GALR1: variants seen among roughly 807,000 people sequenced by gnomAD.
GALR1 encodes the protein galanin receptor type 1.
GALR1 carries 11 observed loss-of-function variants against 17.9 expected under a neutral mutation model. The ratio of observed to expected loss-of-function variants is 0.62; its 90% CI spans 0.39 to 1.02. The LOEUF (loss-of-function observed/expected upper bound fraction) is 1.02. Among genes scored for constraint, GALR1 ranks in the 50% least tolerant of loss-of-function variants. The pLI is 0.01. For missense variants in GALR1, 441 were observed against 456.9 expected (o/e 0.97, Z 0.32); for synonymous variants, 206 against 205.7 (o/e 1.00, Z -0.01).
At chr18:77,254,715 C>T (rs1217632057) in intron 1 of GALR1, among the ~76,000 whole-genome samples, 1 of 152,200 alleles carries the variant, frequency 6.6e-6, no homozygotes, top group East Asian at 1.9e-4. Context: ...GCAGGAAATC[C>T]CTGTTCTGTC....
chr18:77,264,982 G>A (rs1448946108), intron 2 of GALR1, among the ~76,000 whole-genome samples: 2 of 152,004 alleles, frequency 1.3e-5, no homozygotes, highest in Admixed American at 6.6e-5. Flanking sequence ...ACTGCTCCTG[G>A]CCCCTCCCAA....
chr18:77,270,082 T>C lies in GALR1; in HGVS notation c.*1180T>C, dbSNP rs1346902286. On this transcript the variant is annotated 3_prime_UTR_variant, in exon 3 of 3. Coordinates refer to ENST00000299727, the MANE Select transcript of GALR1 (RefSeq NM_001480.4). Reference sequence around the variant, plus strand: ...ATGTAGTTTTCATGACAATTTTATATTGATGTGTGTTTACAATGAGAAAAT... The same window carrying C: ...ATGTAGTTTTCATGACAATTTTATACTGATGTGTGTTTACAATGAGAAAAT... 1 of 152,234 alleles carries C rather than the reference T, an allele frequency of 6.6e-6. No homozygotes were observed. Among genetic ancestry groups the C allele is most frequent in the Non-Finnish European group, 1.5e-5 (1 of 68,042 alleles). 9.4% of individuals were successfully genotyped at this position (152,234 alleles called of 1,614,324 possible).
rs574155176 is a variant in GALR1, at chr18:77,271,087, G to T, written c.*2185G>T. On this transcript the variant is annotated 3_prime_UTR_variant, in exon 3 of 3. Coordinates refer to ENST00000299727, the MANE Select transcript of GALR1 (RefSeq NM_001480.4). ...TTTCTTTGTTTTCTCCTTCTGATCT[G>T]TAAGCATATAAATGGAAGTATTTAA... The T allele has an allele frequency of 7.9e-5, 12 of 152,242 alleles. No homozygotes were observed. The highest frequency in any genetic ancestry group is 5.9e-4 in the Admixed American group (9 of 15,282). 9.4% of individuals were successfully genotyped at this position (152,242 alleles called of 1,614,324 possible).
In GALR1 at chr18:77,268,997, T is replaced by G. The variant is rs775977228; in HGVS notation, c.*95T>G. ...GCTAGTAAGCGATGCTGCAACTTGT[T>G]ATCTTAACAAGAATTCAAGTCGTTT... On this transcript the variant is annotated 3_prime_UTR_variant, in exon 3 of 3. Transcript: ENST00000299727. 1.7e-5 allele frequency: 16 copies of G among 917,816 alleles called. No homozygotes were observed. Among genetic ancestry groups the G allele is most frequent in the Non-Finnish European group, 2.7e-5 (16 of 592,696 alleles). 56.9% of individuals were successfully genotyped at this position (917,816 alleles called of 1,614,324 possible).
At chr18:77,260,994 T>C (rs1485383512) in intron 2 of GALR1, among the ~76,000 whole-genome samples, 1 of 48,054 alleles carries the variant, frequency 2.1e-5, no homozygotes, top group Admixed American at 3.7e-4. Context: ...TTATACAATT[T>C]GTGAGGTTTT....
intron 2 of GALR1, among the ~76,000 whole-genome samples, chr18:77,262,275 A>G (rs77396511): frequency 2.6e-5 from 4 of 152,208 alleles, no homozygotes; most frequent in African/African-American, 9.6e-5. Context: ...ACCTACTTAA[A>G]TCCCAGGGTT....
At position 77,273,627 on chromosome 18, in the gene GALR1, C is replaced by T. The variant is rs1236365854; in HGVS notation, c.*4725C>T. 1 of 151,134 alleles carries T rather than the reference C, an allele frequency of 6.6e-6. No homozygotes were observed. The highest frequency in any genetic ancestry group is 2.4e-5 in the African/African-American group (1 of 40,980). The allele number at this position is 151,134 out of a possible 1,614,324, so 9.4% of individuals were successfully genotyped here. A position where few individuals can be genotyped will look rare whatever the true frequency, so the allele number is the denominator to read the frequency against. On this transcript the variant is annotated 3_prime_UTR_variant, in exon 3 of 3. Transcript: ENST00000299727. The stretch of plus-strand genomic sequence containing the variant: ...TCCAGCCTGGGCAACAAGAGTGAAA[C>T]TCTGTCTCAAAAAAATAAAAATTAA...
rs1158277202 is a variant in GALR1 at position 77,273,616 on chromosome 18, C to G, written c.*4714C>G. 1 of 149,968 alleles carries G rather than the reference C, an allele frequency of 6.7e-6. No individual in the cohort carries two copies. Among genetic ancestry groups the G allele is most frequent in the Non-Finnish European group, 1.5e-5 (1 of 67,712 alleles). The allele number at this position is 149,968 out of a possible 1,614,324, so 9.3% of individuals were successfully genotyped here. On this transcript the variant is annotated 3_prime_UTR_variant, in exon 3 of 3. Coordinates refer to ENST00000299727, the MANE Select transcript of GALR1 (RefSeq NM_001480.4). ...CACCATTGCACTCCAGCCTGGGCAACAAGAGTGAAACTCTGTCTCAAAAAA... is the reference window on the plus strand; with the variant it reads ...CACCATTGCACTCCAGCCTGGGCAAGAAGAGTGAAACTCTGTCTCAAAAAA...
rs77035445 is a variant in GALR1, at chr18:77,269,297, T to G, written c.*395T>G. The G allele has an allele frequency of 1.3e-5, 2 of 158,208 alleles. No homozygotes were observed. The highest frequency in any genetic ancestry group is 2.8e-5 in the Non-Finnish European group (2 of 72,438). 9.8% of individuals were successfully genotyped at this position (158,208 alleles called of 1,614,324 possible). On this transcript the variant is annotated 3_prime_UTR_variant, in exon 3 of 3. Coordinates refer to ENST00000299727, the MANE Select transcript of GALR1 (RefSeq NM_001480.4). ...GCCAATTTATTTAGAAAAAAAAATTTGAGCTTTAATTCTTTAATTTTAAGA... is the reference window on the plus strand; with the variant it reads ...GCCAATTTATTTAGAAAAAAAAATTGGAGCTTTAATTCTTTAATTTTAAGA...
chr18:77,275,001 T>C lies in GALR1; in HGVS notation c.*6099T>C, dbSNP rs1913127421. The stretch of plus-strand genomic sequence containing the variant: ...GTTCTGTTTGGACTTAGGACTTTTT[T>C]CCTGGCTATCCTGCCAATACTTTTC... On this transcript the variant is annotated 3_prime_UTR_variant, in exon 3 of 3. Transcript: ENST00000299727. 1 of 152,240 alleles carries C rather than the reference T, an allele frequency of 6.6e-6. No homozygotes were observed. The highest frequency in any genetic ancestry group is 2.4e-5 in the African/African-American group (1 of 41,452). The allele number at this position is 152,240 out of a possible 1,614,324, so 9.4% of individuals were successfully genotyped here. A position where few individuals can be genotyped will look rare whatever the true frequency, so the allele number is the denominator to read the frequency against.
At chr18:77,265,251 A>G (rs1018875400) in intron 2 of GALR1, among the ~76,000 whole-genome samples, 1 of 152,212 alleles carries the variant, frequency 6.6e-6, no homozygotes, top group East Asian at 1.9e-4. Context: ...TACAGGCCCC[A>G]TGCAAATCTG....
Position 77,250,848 on chromosome 18 carries a change from C to G in GALR1, c.300C>G (p.Thr100=). Residue 100 remains threonine (T), a synonymous_variant, in exon 1 of 3, where the codon ACC becomes ACG. Coordinates refer to ENST00000299727, the MANE Select transcript of GALR1 (RefSeq NM_001480.4). ...PFQATVYALP[T]WVLGAFICKF... is the part of the protein sequence containing the mutation. ...AGGCCACCGTGTACGCGCTGCCCAC[C>G]TGGGTGCTGGGCGCCTTCATCTGCA... 1 of 1,613,048 alleles carries G rather than the reference C, an allele frequency of 6.2e-7. No homozygotes were observed. Among genetic ancestry groups the G allele is most frequent in the Non-Finnish European group, 8.5e-7 (1 of 1,180,016 alleles).
rs1188547652 is a variant in GALR1, at chr18:77,273,170, C to T, written c.*4268C>T. 1 of 152,088 alleles carries T rather than the reference C, an allele frequency of 6.6e-6. No individual in the cohort carries two copies. Among genetic ancestry groups the T allele is most frequent in the African/African-American group, 2.4e-5 (1 of 41,398 alleles). The allele number at this position is 152,088 out of a possible 1,614,324, so 9.4% of individuals were successfully genotyped here. On this transcript the variant is annotated 3_prime_UTR_variant, in exon 3 of 3. Transcript: ENST00000299727. ...TTTGACTGGGCAAGACCCTCACATA[C>T]CTTGGCAGGCCCTGGCTTTCGTTTC...
At chr18:77,258,681 A>ATGGTGGTGGTGGTGGG (rs1912674383) in intron 2 of GALR1, among the ~76,000 whole-genome samples, 1 of 92,984 alleles carries the variant, frequency 1.1e-5, no homozygotes, top group African/African-American at 4.2e-5. Flanking sequence ...CATGGTGGTG[A>ATGGTGGTGGTGGTGGG]TGGTGATGGT....
At chr18:77,256,333 G>T (rs979428252) in intron 2 of GALR1, 110 bp downstream of exon 2, 1 of 648,646 alleles carries the variant, frequency 1.5e-6, no homozygotes, top group Non-Finnish European at 2.7e-6. Context: ...TAGGACCCTT[G>T]GTGTGGCTAA....
At position 77,276,416 on chromosome 18, in the gene GALR1, G is replaced by A. The variant is rs921459825; in HGVS notation, c.*7514G>A. ...CTGGCTGTACAGTTGAATGAGCTGG[G>A]CAGTTGAAAGTACCCGTGATGCTCT... On this transcript the variant is annotated 3_prime_UTR_variant, in exon 3 of 3. Transcript: ENST00000299727. The A allele has an allele frequency of 3.3e-5, 5 of 152,216 alleles. No individual in the cohort carries two copies. Among genetic ancestry groups the A allele is most frequent in the African/African-American group, 1.2e-4 (5 of 41,456 alleles). 9.4% of individuals were successfully genotyped at this position (152,216 alleles called of 1,614,324 possible).
intron 2 of GALR1, among the ~76,000 whole-genome samples, chr18:77,260,470 C>A (rs79419231): frequency 6.6e-6 from 1 of 152,160 alleles, no homozygotes; most frequent in Non-Finnish European, 1.5e-5. Flanking sequence ...GGGCTCCCCC[C>A]ACCTCATGAC....
rs1047354541 is a variant in GALR1 at position 77,270,070 on chromosome 18, G to A, written c.*1168G>A. 3 of 152,152 alleles carry A rather than the reference G, an allele frequency of 2.0e-5. No homozygotes were observed. In the East Asian group the frequency reaches 5.8e-4, roughly 29 times the overall value. The allele number at this position is 152,152 out of a possible 1,614,324, so 9.4% of individuals were successfully genotyped here. ...TTTGAATTTCAAATGTAGTTTTCAT[G>A]ACAATTTTATATTGATGTGTGTTTA... On this transcript the variant is annotated 3_prime_UTR_variant, in exon 3 of 3. Transcript: ENST00000299727.
chr18:77,264,127 C>T (rs1477495359), intron 2 of GALR1, among the ~76,000 whole-genome samples: 1 of 103,338 alleles, frequency 9.7e-6, no homozygotes, highest in Admixed American at 1.3e-4. Context: ...GAGCGAGACT[C>T]CATCTCAAAA....
Sources: gnomAD v4.1 joint callset for allele counts (sites outside exome capture counted in the v4.1 genomes callset) on GRCh38, gnomAD v4.1.1 for gene constraint, MANE v1.5 for transcripts, NCBI Gene and HGNC (gene_info 2026-07-23, HGNC 2026-07-21) for gene names.